Variants in DOCK1 observed in about 807,000 individuals in gnomAD.
DOCK1 encodes dedicator of cytokinesis protein 1.
A neutral mutation model predicts 262.7 loss-of-function variants in DOCK1; 138 were observed. The observed-to-expected ratio is 0.53, with a 90% CI of 0.46 to 0.61. The LOEUF (loss-of-function observed/expected upper bound fraction) is 0.61, where lower values mean the gene tolerates loss of function less well. Among genes scored for constraint, DOCK1 ranks in the 20% least tolerant of loss-of-function variants. The probability of loss-of-function intolerance (pLI) is 0.00; values close to 1 mark genes in which losing one functional copy is unlikely to be tolerated. For missense variants in DOCK1, 1,908 were observed against 2,370.7 expected (o/e 0.80, Z 4.05); for synonymous variants, 866 against 867.4 (o/e 1.00, Z 0.03).
chr10:127,050,659 C>T (rs1377343534), intron 21 of DOCK1, among the ~76,000 whole-genome samples: 5 of 149,828 alleles, frequency 3.3e-5, no homozygotes, highest in Non-Finnish European at 5.9e-5. Flanking sequence ...GAGCTGAGAT[C>T]GTGCCACTGC....
intron 1 of DOCK1, among the ~76,000 whole-genome samples, chr10:126,960,745 T>TATATATATATATATATATATATATATAA (rs1429186588): frequency 8.7e-6 from 1 of 115,500 alleles, no homozygotes; most frequent in Non-Finnish European, 1.8e-5. Flanking sequence ...TATATATATA[T>TATATATATATATATATATATATATATAA]ACACACACAC....
At chr10:127,045,200 TAAAAAAA>T (rs71032534) in intron 21 of DOCK1, among the ~76,000 whole-genome samples, 7 of 82,104 alleles carry the variant, frequency 8.5e-5, no homozygotes, top group East Asian at 4.1e-4. Flanking sequence ...TCTGTCTCAA[TAAAAAAA>T]AAAAAAAAAA....
At chr10:127,288,266 A>G (rs953171538) in intron 29 of DOCK1, among the ~76,000 whole-genome samples, 1 of 152,200 alleles carries the variant, frequency 6.6e-6, no homozygotes, top group Admixed American at 6.5e-5. Context: ...GTAGTCTTTG[A>G]TAATGGCTTT....
chr10:127,284,557 G>C (rs994251944), intron 29 of DOCK1, among the ~76,000 whole-genome samples: 1 of 152,178 alleles, frequency 6.6e-6, no homozygotes, highest in Non-Finnish European at 1.5e-5. Context: ...TTAACATAAT[G>C]TTAGGGATAA....
intron 27 of DOCK1, among the ~76,000 whole-genome samples, chr10:127,183,182 A>G (rs935823106): frequency 1.3e-5 from 2 of 151,678 alleles, no homozygotes; most frequent in Non-Finnish European, 2.9e-5. Flanking sequence ...GACTTATATC[A>G]AAGGAGTCTG....
At position 127,419,654 on chromosome 10, in the gene DOCK1, TG is replaced by T. The variant is rs775576239; in HGVS notation, c.4693-11del. On this transcript the variant is annotated splice_polypyrimidine_tract_variant and intron_variant, in intron 45 of 51. Transcript: ENST00000623213. Reference sequence around the variant, plus strand: ...AGCAGGTGCACTGAGCAACTCTCCTTGTCTCCACCAGGCCTTCTTTACAGAC... The same window carrying T: ...AGCAGGTGCACTGAGCAACTCTCCTTTCTCCACCAGGCCTTCTTTACAGAC... 6.3e-7 allele frequency: 1 copy of T among 1,595,814 alleles called. No individual in the cohort carries two copies. The highest frequency in any genetic ancestry group is 1.7e-5 in the Admixed American group (1 of 58,070).
chr10:127,348,137 C>A (rs192198325), intron 31 of DOCK1, among the ~76,000 whole-genome samples: 2 of 151,742 alleles, frequency 1.3e-5, no homozygotes, highest in East Asian at 3.9e-4. Context: ...GTATGAGATT[C>A]GCCAGTGTAC....
chr10:126,996,618 C>A, intron 6 of DOCK1, 130 bp from the exon 7 acceptor site: 2 of 792,010 alleles, frequency 2.5e-6, no homozygotes, highest in Non-Finnish European at 3.6e-6. Context: ...ATTTTATATT[C>A]CTAATATTTT....
chr10:127,079,757 C>G (rs1038134738), intron 23 of DOCK1, among the ~76,000 whole-genome samples: 2 of 152,118 alleles, frequency 1.3e-5, no homozygotes, highest in African/African-American at 4.8e-5. Flanking sequence ...GTGGTGAAAC[C>G]CTTTCTCTTC....
chr10:127,347,704 G>A (rs906968941), intron 31 of DOCK1, among the ~76,000 whole-genome samples: 1 of 151,268 alleles, frequency 6.6e-6, no homozygotes, highest in Non-Finnish European at 1.5e-5. Flanking sequence ...AAAGGCATGT[G>A]GTATAAAGGT....
intron 1 of DOCK1, among the ~76,000 whole-genome samples, chr10:126,962,311 C>T (rs936195083): frequency 0.048 from 7,358 of 152,300 alleles, 226 homozygotes; most frequent in Middle Eastern, 0.11. Flanking sequence ...AGGCGCGTGC[C>T]GCCATGCCCG....
intron 31 of DOCK1, among the ~76,000 whole-genome samples, chr10:127,350,828 T>C (rs557556981): frequency 6.6e-6 from 1 of 152,168 alleles, no homozygotes; most frequent in East Asian, 1.9e-4. Flanking sequence ...ATTGCAACCA[T>C]GAGAGGAATA....
chr10:127,182,685 T>TA (rs2055850222), intron 27 of DOCK1, among the ~76,000 whole-genome samples: 1 of 152,176 alleles, frequency 6.6e-6, no homozygotes, highest in Admixed American at 6.5e-5. Context: ...TGCCAGCTAA[T>TA]AATGGCCAAA....
intron 22 of DOCK1, among the ~76,000 whole-genome samples, chr10:127,059,888 T>C (rs536548404): frequency 6.6e-6 from 1 of 152,334 alleles, no homozygotes; most frequent in South Asian, 2.1e-4. Context: ...TGTAAAACTG[T>C]AGAAGCTTCA....
At chr10:127,265,692 A>C (rs2060328905) in intron 29 of DOCK1, among the ~76,000 whole-genome samples, 1 of 152,226 alleles carries the variant, frequency 6.6e-6, no homozygotes, top group African/African-American at 2.4e-5. Context: ...TCTGTAACTT[A>C]ACAATTTCTC....
intron 23 of DOCK1, among the ~76,000 whole-genome samples, chr10:127,085,306 G>C (rs561730890): frequency 1.3e-5 from 2 of 152,144 alleles, no homozygotes; most frequent in Admixed American, 6.5e-5. Context: ...TCTAGGCATG[G>C]AGCTCTATCA....
At chr10:127,312,054 G>A (rs746208686) in intron 29 of DOCK1, among the ~76,000 whole-genome samples, 4 of 151,916 alleles carry the variant, frequency 2.6e-5, no homozygotes, top group African/African-American at 4.8e-5. Flanking sequence ...TAGTGGAGAC[G>A]GGGTTTCACC....
intron 40 of DOCK1, among the ~76,000 whole-genome samples, chr10:127,407,040 G>T (rs1466649428): frequency 2.0e-5 from 3 of 151,834 alleles, no homozygotes; most frequent in East Asian, 1.9e-4. Context: ...CGGGGGGGCG[G>T]TGGGGAGAAA....
chr10:127,354,774 G>A, intron 32 of DOCK1, 47 bp downstream of exon 32: 1 of 1,611,420 alleles, frequency 6.2e-7, no homozygotes, highest in Non-Finnish European at 8.5e-7. Flanking sequence ...TGCATCCCTG[G>A]TGGGTCATGG....
Sources: allele counts gnomAD v4.1 joint callset (sites outside exome capture counted in the v4.1 genomes callset), GRCh38; gene constraint gnomAD v4.1.1; transcripts MANE v1.5; gene names NCBI Gene and HGNC (gene_info 2026-07-23, HGNC 2026-07-21).